The following GOPC variants were observed in gnomAD, a reference collection of about 807,000 sequenced individuals.
GOPC encodes Golgi-associated PDZ and coiled-coil motif-containing protein.
In GOPC, 32 loss-of-function variants were observed where a neutral mutation model predicts 51.2. That is an observed-to-expected ratio of 0.63 (90% CI 0.47 to 0.84). The LOEUF (loss-of-function observed/expected upper bound fraction) is 0.84. GOPC is among the 40% of genes least tolerant of loss of function. The pLI is 0.00. For missense variants in GOPC, 441 were observed against 555.5 expected (o/e 0.79, Z 2.07); for synonymous variants, 190 against 205.1 (o/e 0.93, Z 0.63).
intron 1 of GOPC, among the ~76,000 whole-genome samples, chr6:117,597,771 G>C (rs1356721512): frequency 6.6e-6 from 1 of 151,968 alleles, no homozygotes; most frequent in African/African-American, 2.4e-5. Flanking sequence ...TATACACTAG[G>C]GATATATGCC....
At chr6:117,564,665 G>A in intron 8 of GOPC, among the ~76,000 whole-genome samples, 1 of 152,128 alleles carries the variant, frequency 6.6e-6, no homozygotes, top group Non-Finnish European at 1.5e-5. Context: ...CACATTTTAA[G>A]TGTCTGCAAT....
intron 7 of GOPC, 28 bp downstream of exon 7, chr6:117,569,544 C>A: frequency 6.2e-7 from 1 of 1,608,604 alleles, no homozygotes; most frequent in South Asian, 1.1e-5. Context: ...TTGATAGATC[C>A]AGTTCTAATT....
At chr6:117,564,328 TATATAA>T (rs1159638107) in intron 8 of GOPC, among the ~76,000 whole-genome samples, 2 of 152,218 alleles carry the variant, frequency 1.3e-5, no homozygotes, top group African/African-American at 2.4e-5. Context: ...CAATTCTACT[TATATAA>T]ATATCTACTG....
At chr6:117,569,790 C>T (rs981966877) in intron 6 of GOPC, 54 bp from the exon 7 acceptor site, 5 of 1,469,512 alleles carry the variant, frequency 3.4e-6, no homozygotes, top group African/African-American at 1.5e-5. Context: ...GTACAGTTAC[C>T]GATTAATCTA....
intron 5 of GOPC, among the ~76,000 whole-genome samples, chr6:117,572,424 C>T (rs571900005): frequency 6.6e-6 from 1 of 152,266 alleles, no homozygotes; most frequent in East Asian, 1.9e-4. Context: ...ATCTCCTTGA[C>T]TCCAACTTGG....
chr6:117,590,243 T>C (rs1366836003), intron 1 of GOPC, among the ~76,000 whole-genome samples: 3 of 152,194 alleles, frequency 2.0e-5, no homozygotes, highest in African/African-American at 7.2e-5. Flanking sequence ...GAATAAGACA[T>C]GGATTCTAGA....
At chr6:117,575,736 G>A (rs2301425) in intron 3 of GOPC, among the ~76,000 whole-genome samples, 20,615 of 152,100 alleles carry the variant, frequency 0.14, 1,917 homozygotes, top group East Asian at 0.31. Context: ...AAAAAACCAC[G>A]TAAACACTGA....
chr6:117,563,639 T>C lies in GOPC; in HGVS notation c.1259-255A>G, dbSNP rs530633593. Among the ~76,000 whole-genome samples, 10 of 151,976 alleles carry C rather than the reference T, an allele frequency of 6.6e-5. No homozygotes were observed. The highest frequency in any genetic ancestry group is 2.4e-4 in the African/African-American group (10 of 41,432). On this transcript the variant is annotated intron_variant, in intron 8 of 8. Coordinates refer to ENST00000368498, the MANE Select transcript of GOPC (RefSeq NM_020399.4). ...TGGGAGACTGAGGAAGGAGAATCAC[T>C]TGAAGCCAGGAAGTGGAGGTTGCAG...
chr6:117,563,672 A>C (rs1445906766), intron 8 of GOPC, among the ~76,000 whole-genome samples: 1 of 151,870 alleles, frequency 6.6e-6, no homozygotes, highest in Non-Finnish European at 1.5e-5. Flanking sequence ...CAGTGAGCTG[A>C]GATCGTACCA....
chr6:117,569,443 A>T, intron 7 of GOPC, 129 bp downstream of exon 7: 1 of 1,247,290 alleles, frequency 8.0e-7, no homozygotes, highest in Non-Finnish European at 1.1e-6. Context: ...TAAAAGCATT[A>T]AATCAAAGGA....
chr6:117,601,606 G>A (rs1772011176), intron 1 of GOPC, among the ~76,000 whole-genome samples: 1 of 152,212 alleles, frequency 6.6e-6, no homozygotes, highest in South Asian at 2.1e-4. Context: ...AATAATCAGT[G>A]CTGTATCTGT....
intron 8 of GOPC, among the ~76,000 whole-genome samples, chr6:117,565,376 C>T (rs1779675368): frequency 6.6e-6 from 1 of 152,136 alleles, no homozygotes; most frequent in African/African-American, 2.4e-5. Flanking sequence ...CAGTATTGTT[C>T]TCTGATATTA....
Position 117,563,343 on chromosome 6 carries a change from C to T in GOPC, c.1300G>A (p.Asp434Asn). Residue 434 changes from aspartate (D) to asparagine (N), a missense_variant, in exon 9 of 9, where the codon GAC becomes AAC. Physicochemically the swap from Asp to Asn is conservative, Grantham distance 23. Coordinates refer to ENST00000368498, the MANE Select transcript of GOPC (RefSeq NM_020399.4). ...KAVTDTHENGDLGTASETPLD... is the reference protein window; with the variant it reads ...KAVTDTHENGNLGTASETPLD... ...GGAGTTTCACTTGCAGTGCCCAGGT[C>T]TCCATTTTCATGTGTGTCAGTTACT... The T allele has an allele frequency of 6.2e-7, 1 of 1,613,438 alleles. No individual in the cohort carries two copies. Among genetic ancestry groups the T allele is most frequent in the South Asian group, 1.1e-5 (1 of 91,064 alleles).
chr6:117,587,892 G>A (rs1279085707), intron 1 of GOPC, among the ~76,000 whole-genome samples: 1 of 145,982 alleles, frequency 6.9e-6, no homozygotes, highest in South Asian at 2.2e-4. Flanking sequence ...TTTTTTTTTT[G>A]AGACAAGGTC....
chr6:117,591,829 GGTTT>G (rs1399626014), intron 1 of GOPC, among the ~76,000 whole-genome samples: 1 of 152,060 alleles, frequency 6.6e-6, no homozygotes, highest in African/African-American at 2.4e-5. Flanking sequence ...GACAGAATTA[GGTTT>G]GTCTTTTTAA....
intron 1 of GOPC, among the ~76,000 whole-genome samples, chr6:117,579,533 G>A (rs1336501453): frequency 6.6e-6 from 1 of 152,016 alleles, no homozygotes; most frequent in Non-Finnish European, 1.5e-5. Flanking sequence ...TCATTATCTA[G>A]TAAAGTTATT....
chr6:117,590,005 T>C (rs1225326313), intron 1 of GOPC, among the ~76,000 whole-genome samples: 1 of 152,170 alleles, frequency 6.6e-6, no homozygotes, highest in African/African-American at 2.4e-5. Context: ...ACCAGAGGAA[T>C]AAATGAACCT....
At chr6:117,569,459 G>T in intron 7 of GOPC, 113 bp downstream of exon 7, 1 of 1,366,236 alleles carries the variant, frequency 7.3e-7, no homozygotes, top group Non-Finnish European at 9.9e-7. Flanking sequence ...AAGGAAACAA[G>T]AACTATGTGT....
chr6:117,579,449 G>A (rs951481482), intron 1 of GOPC, among the ~76,000 whole-genome samples: 4 of 152,100 alleles, frequency 2.6e-5, no homozygotes, highest in Middle Eastern at 3.2e-3. Context: ...AACATTAACA[G>A]TATTAGAGAA....
Sources: gnomAD v4.1 joint callset for allele counts (sites outside exome capture counted in the v4.1 genomes callset) on GRCh38, gnomAD v4.1.1 for gene constraint, MANE v1.5 for transcripts, NCBI Gene and HGNC (gene_info 2026-07-23, HGNC 2026-07-21) for gene names.